MYT1L: variants seen among roughly 807,000 people sequenced by gnomAD.
MYT1L encodes the protein myelin transcription factor 1-like protein.
MYT1L carries 12 observed loss-of-function variants against 126.7 expected under a neutral mutation model. The ratio of observed to expected loss-of-function variants is 0.09; its 90% CI spans 0.06 to 0.15. MYT1L has a LOEUF of 0.15. Ranked by LOEUF, MYT1L falls within the 10% of genes least tolerant of loss-of-function variation. The pLI, the probability that MYT1L is intolerant of heterozygous loss-of-function variation, is 1.00. For missense variants in MYT1L, 979 were observed against 1,585.2 expected, an observed-to-expected ratio of 0.62 and a Z score of 6.49; for synonymous variants, 541 against 604.2, an observed-to-expected ratio of 0.90 and a Z score of 1.53.
chr2:1,839,168 T>C lies in MYT1L; in HGVS notation c.3061A>G (p.Ser1021Gly). ...ACTCACCTGCGGTGTGTGAGGAAGC[T>C]GCCGCTGACGTGGCCTGAGCCGTCG... is the stretch of plus-strand genomic sequence containing the variant. ...GCDGSGHVSG[S>G]FLTHRSLSGC... Residue 1021 changes from serine to glycine, a missense_variant, in exon 21 of 25, where the codon AGC becomes GGC. This residue lies in a region of MYT1L where 179 missense variants were observed against 398.6 expected (regional missense o/e 0.45). Coordinates refer to ENST00000647738, the MANE Select transcript of MYT1L (RefSeq NM_001303052.2). 1 of 1,612,594 alleles carries C rather than the reference T, an allele frequency of 6.2e-7. No individual in the cohort carries two copies. Among genetic ancestry groups the C allele is most frequent in the East Asian group, 2.2e-5 (1 of 44,878 alleles).
At chr2:1,956,188 G>T (rs62116698) in intron 8 of MYT1L, among the ~76,000 whole-genome samples, 2 of 64,990 alleles carry the variant, frequency 3.1e-5, no homozygotes, top group East Asian at 5.1e-4. Flanking sequence ...CATTTACCTA[G>T]CTGTCTATCT....
chr2:2,169,957 C>T (rs975720395), intron 3 of MYT1L, among the ~76,000 whole-genome samples: 2 of 152,196 alleles, frequency 1.3e-5, no homozygotes, highest in Non-Finnish European at 1.5e-5. Flanking sequence ...CAGGCATAAA[C>T]GCACTAGAAA....
intron 21 of MYT1L, chr2:1,824,622 C>T (rs976660273): frequency 6.6e-6 from 1 of 152,292 alleles, no homozygotes; most frequent in Non-Finnish European, 1.5e-5. Context: ...CTCTGCGGCT[C>T]CTTTGGGGAG....
chr2:2,311,191 C>T (rs1414982249), intron 1 of MYT1L, among the ~76,000 whole-genome samples: 1 of 152,156 alleles, frequency 6.6e-6, no homozygotes, highest in Non-Finnish European at 1.5e-5. Context: ...TAACCAAGAC[C>T]ACATAAGAGT....
At chr2:2,222,456 A>T (rs1559379811) in intron 2 of MYT1L, among the ~76,000 whole-genome samples, 1 of 152,066 alleles carries the variant, frequency 6.6e-6, no homozygotes, top group Non-Finnish European at 1.5e-5. Flanking sequence ...AGATTGTGCC[A>T]CTGCACTCCA....
At chr2:2,178,262 C>T (rs1009052185) in intron 2 of MYT1L, among the ~76,000 whole-genome samples, 4 of 152,068 alleles carry the variant, frequency 2.6e-5, no homozygotes, top group East Asian at 3.8e-4. Flanking sequence ...CCCAAAGTCA[C>T]GTAATACTTG....
chr2:2,132,544 G>T (rs1006527001), intron 3 of MYT1L, among the ~76,000 whole-genome samples: 2 of 149,132 alleles, frequency 1.3e-5, no homozygotes, highest in African/African-American at 5.0e-5. Context: ...TGGACACAGA[G>T]AGGGGAACAT....
chr2:2,305,988 A>C (rs1573402252), intron 1 of MYT1L: 2 of 152,218 alleles, frequency 1.3e-5, no homozygotes, highest in Admixed American at 6.5e-5. Context: ...GCCAGTGTTC[A>C]TCTGTCCCAC....
chr2:1,911,564 C>T (rs976935567), intron 12 of MYT1L, among the ~76,000 whole-genome samples: 2 of 152,128 alleles, frequency 1.3e-5, no homozygotes, highest in Non-Finnish European at 1.5e-5. Flanking sequence ...CAGACCACCC[C>T]CCAACCTGCT....
chr2:1,977,049 A>G (rs2060241741), intron 8 of MYT1L, among the ~76,000 whole-genome samples: 1 of 152,234 alleles, frequency 6.6e-6, no homozygotes, highest in Non-Finnish European at 1.5e-5. Flanking sequence ...GATGTTCTAG[A>G]TAACTGAGTG....
intron 9 of MYT1L, among the ~76,000 whole-genome samples, chr2:1,931,743 A>G (rs1180906692): frequency 6.6e-6 from 1 of 152,292 alleles, no homozygotes; most frequent in East Asian, 1.9e-4. Context: ...TTATCCACCA[A>G]TAGAAGGGAT....
chr2:2,241,163 C>A (rs943750936), intron 2 of MYT1L, among the ~76,000 whole-genome samples: 12 of 152,086 alleles, frequency 7.9e-5, no homozygotes, highest in Non-Finnish European at 1.5e-4. Context: ...AATAAAGTAA[C>A]AAGCTCATAG....
chr2:2,027,678 T>C (rs184262932), intron 4 of MYT1L, among the ~76,000 whole-genome samples: 17 of 152,320 alleles, frequency 1.1e-4, no homozygotes, highest in African/African-American at 4.1e-4. Context: ...AGAGGGTATT[T>C]GGCAAAGCTA....
chr2:2,180,673 CCT>C (rs1466795502), intron 2 of MYT1L, among the ~76,000 whole-genome samples: 1 of 149,384 alleles, frequency 6.7e-6, no homozygotes, highest in South Asian at 2.2e-4. Context: ...TGTGTGTGCA[CCT>C]GTGTGTTTTT....
At chr2:2,282,183 T>G (rs17039515) in intron 2 of MYT1L, among the ~76,000 whole-genome samples, 2,503 of 152,302 alleles carry the variant, frequency 0.016, 54 homozygotes, top group African/African-American at 0.053. Context: ...CTTCTCAAAA[T>G]CTGGATCATG....
In MYT1L at chr2:1,964,351, C is replaced by T. The variant is rs1345879104; in HGVS notation, c.152+14814G>A. ...AATAATGAAAAGGTTTGAAATATTGCGAGAATTATTGAAACGTGGTACAGA... is the reference window on the plus strand; with the variant it reads ...AATAATGAAAAGGTTTGAAATATTGTGAGAATTATTGAAACGTGGTACAGA... On this transcript the variant is annotated intron_variant, in intron 8 of 24. Coordinates refer to ENST00000647738, the MANE Select transcript of MYT1L (RefSeq NM_001303052.2). 5.9e-5 allele frequency among the ~76,000 whole-genome samples: 9 copies of T among 152,090 alleles called. No homozygotes were observed. The East Asian group carries it at 1.3e-3, about 23-fold the overall frequency.
intron 1 of MYT1L, among the ~76,000 whole-genome samples, chr2:2,315,021 T>G (rs1237682800): frequency 6.6e-6 from 1 of 152,202 alleles, no homozygotes; most frequent in Non-Finnish European, 1.5e-5. Context: ...TATTCAAAAA[T>G]TAACTCAATA....
At chr2:1,991,283 C>T (rs940883766) in intron 5 of MYT1L, among the ~76,000 whole-genome samples, 1 of 152,154 alleles carries the variant, frequency 6.6e-6, no homozygotes, top group Non-Finnish European at 1.5e-5. Context: ...CCGCCGCCCC[C>T]TCTTGTGAGG....
In MYT1L at chr2:1,998,888, GA is replaced by G. The variant is rs575966480; in HGVS notation, c.-157-1542del. Among the ~76,000 whole-genome samples the G allele has an allele frequency of 7.3e-5, 11 of 149,946 alleles. 1 individual carries two copies. Among genetic ancestry groups the G allele is most frequent in the East Asian group, 1.9e-4 (1 of 5,142 alleles). ...AGTGGTTAACATGGATTCACTGGGGGAAAAAAAAAGAAAAGAAAGAAAAAGA... is the reference window on the plus strand; with the variant it reads ...AGTGGTTAACATGGATTCACTGGGGGAAAAAAAAGAAAAGAAAGAAAAAGA... On this transcript the variant is annotated intron_variant, in intron 4 of 24. Coordinates refer to ENST00000647738, the MANE Select transcript of MYT1L (RefSeq NM_001303052.2).
Sources: gnomAD v4.1 joint callset for allele counts (sites outside exome capture counted in the v4.1 genomes callset) on GRCh38, gnomAD v4.1.1 for gene constraint, gnomAD v4.1.1 regional missense constraint, MANE v1.5 for transcripts, NCBI Gene and HGNC (gene_info 2026-07-23, HGNC 2026-07-21) for gene names.